PSMC1: variants seen among roughly 807,000 people sequenced by gnomAD.
The protein encoded by PSMC1 is 26S proteasome regulatory subunit 4.
Under a neutral mutation model 49.8 loss-of-function variants are expected in PSMC1, and 5 were observed. The ratio of observed to expected loss-of-function variants is 0.10; its 90% confidence interval spans 0.05 to 0.21. The LOEUF (loss-of-function observed/expected upper bound fraction) is 0.21, where lower values mean the gene tolerates loss of function less well. Ranked by LOEUF, PSMC1 falls within the 10% of genes least tolerant of loss-of-function variation. The pLI, the probability that PSMC1 is intolerant of heterozygous loss-of-function variation, is 1.00. For synonymous variants in PSMC1, 155 were observed against 192.1 expected (o/e 0.81, Z 1.60); for missense variants, 181 against 535.7 (o/e 0.34, Z 6.54).
chr14:90,260,042 G>A, intron 2 of PSMC1, 73 bp from the exon 3 acceptor site: 1 of 885,926 alleles, frequency 1.1e-6, no homozygotes, highest in South Asian at 1.7e-5. Context: ...AGATGATGGT[G>A]GTACAGAAAT....
intron 1 of PSMC1, among the ~76,000 whole-genome samples, chr14:90,257,527 A>T (rs1891317967): frequency 6.6e-6 from 1 of 152,226 alleles, no homozygotes; most frequent in Admixed American, 6.5e-5. Flanking sequence ...CAGCAAGTGC[A>T]AAGGACCTGA....
chr14:90,262,632 A>G (rs1891422316), intron 3 of PSMC1, among the ~76,000 whole-genome samples: 1 of 152,052 alleles, frequency 6.6e-6, no homozygotes, highest in Non-Finnish European at 1.5e-5. Flanking sequence ...AAAATCCAAA[A>G]AGTTAGCTGG....
At chr14:90,262,940 A>G (rs749571917) in intron 3 of PSMC1, among the ~76,000 whole-genome samples, 1 of 152,254 alleles carries the variant, frequency 6.6e-6, no homozygotes, top group Non-Finnish European at 1.5e-5. Context: ...GTATGTATAT[A>G]GCCAGCATAC....
chr14:90,270,118 G>A (rs990070945), intron 9 of PSMC1, 80 bp from the exon 10 acceptor site: 5 of 1,468,536 alleles, frequency 3.4e-6, no homozygotes, highest in Middle Eastern at 1.8e-4. Flanking sequence ...CGTATGTAAG[G>A]AGATGGGCTG....
chr14:90,271,203 T>G (rs1197230065), intron 10 of PSMC1: 3 of 152,200 alleles, frequency 2.0e-5, no homozygotes, highest in Non-Finnish European at 4.4e-5. Flanking sequence ...CCCGAACCAT[T>G]TGAAGTAAAT....
intron 10 of PSMC1, chr14:90,270,626 G>T: frequency 3.2e-6 from 1 of 310,832 alleles, no homozygotes; most frequent in Non-Finnish European, 5.9e-6. Context: ...CTTTCTCAAG[G>T]TGTGTCAAAT....
chr14:90,268,498 T>C lies in PSMC1; in HGVS notation c.881+85T>C, dbSNP rs1021362234. ...TTGAGAATGAGCAATCTCAGGGGGC[T>C]CTCCCTATGGCCACAGTTCTTGCTG... On this transcript the variant is annotated intron_variant, in intron 8 of 10. Coordinates refer to ENST00000261303, the MANE Select transcript of PSMC1 (RefSeq NM_002802.3). 2.5e-4 allele frequency: 327 copies of C among 1,334,156 alleles called. 1 individual carries two copies. The highest frequency in any genetic ancestry group is 3.5e-4 in the South Asian group (27 of 76,498). 82.6% of individuals were successfully genotyped at this position (1,334,156 alleles called of 1,614,324 possible).
intron 6 of PSMC1, 92 bp from the exon 7 acceptor site, chr14:90,264,978 A>AT (rs1381670188): frequency 2.1e-6 from 2 of 937,556 alleles, no homozygotes; most frequent in South Asian, 2.8e-5. Context: ...ATTTTTACTT[A>AT]TTTTTGTTGA....
chr14:90,272,423 A>G lies in PSMC1; in HGVS notation c.*16A>G, dbSNP rs1891694043. ...GTATCTCTAATGAACCATGGCTGTC[A>G]TCAGGAAAATGGTTGGGAGATTTCT... On this transcript the variant is annotated 3_prime_UTR_variant, in exon 11 of 11. Transcript: ENST00000261303. This position sits in a 1 kb window ranked among gnomAD's most constrained non-coding sequence, Gnocchi z 4.5. 13 of 1,529,294 alleles carry G rather than the reference A, an allele frequency of 8.5e-6. No homozygotes were observed. The highest frequency in any genetic ancestry group is 4.3e-5 in the Admixed American group (2 of 46,324). 94.7% of individuals were successfully genotyped at this position (1,529,294 alleles called of 1,614,324 possible). A position where few individuals can be genotyped will look rare whatever the true frequency, so the allele number is the denominator to read the frequency against.
At chr14:90,258,716 G>A (rs1270925784) in intron 1 of PSMC1, among the ~76,000 whole-genome samples, 6 of 152,252 alleles carry the variant, frequency 3.9e-5, no homozygotes, top group African/African-American at 1.4e-4. Flanking sequence ...AGGGGTAAAT[G>A]ATTGGTAAAC....
intron 8 of PSMC1, chr14:90,268,798 A>T (rs985067269): frequency 1.1e-5 from 2 of 175,084 alleles, no homozygotes; most frequent in Non-Finnish European, 1.2e-5. Flanking sequence ...AAAAAATATG[A>T]TCTGTAACTT....
chr14:90,263,535 C>T (rs1891443017), intron 4 of PSMC1, 93 bp downstream of exon 4: 2 of 1,462,526 alleles, frequency 1.4e-6, no homozygotes, highest in African/African-American at 2.8e-5. Context: ...CTGAACCTGT[C>T]CAGGCTTTCA....
intron 7 of PSMC1, among the ~76,000 whole-genome samples, chr14:90,267,087 A>T (rs940724731): frequency 1.3e-5 from 2 of 151,718 alleles, no homozygotes. Context: ...TTCCAATTCA[A>T]AAATTCTCAA....
rs1229636086 is a variant in PSMC1, at chr14:90,273,076, CCT to C, written c.*670_*671del. On this transcript the variant is annotated 3_prime_UTR_variant, in exon 11 of 11. Coordinates refer to ENST00000261303, the MANE Select transcript of PSMC1 (RefSeq NM_002802.3). ...AGAAACATGTCAGAACTTCCCCTTC[CCT>C]TTCTCCGTCTATTTCCGTCATTTCT... 6.6e-6 allele frequency: 1 copy of C among 152,220 alleles called. No individual in the cohort carries two copies. Among genetic ancestry groups the C allele is most frequent in the Non-Finnish European group, 1.5e-5 (1 of 68,072 alleles). 9.4% of individuals were successfully genotyped at this position (152,220 alleles called of 1,614,324 possible). A position where few individuals can be genotyped will look rare whatever the true frequency, so the allele number is the denominator to read the frequency against.
chr14:90,259,530 T>G (rs1891355893), intron 2 of PSMC1, among the ~76,000 whole-genome samples: 1 of 152,212 alleles, frequency 6.6e-6, no homozygotes, highest in African/African-American at 2.4e-5. Flanking sequence ...TTACCTAAAC[T>G]TTTGGCATAT....
chr14:90,265,021 A>C, intron 6 of PSMC1, 49 bp from the exon 7 acceptor site: 1 of 1,355,100 alleles, frequency 7.4e-7, no homozygotes, highest in Non-Finnish European at 1.0e-6. Context: ...CAATTAGTAA[A>C]TATGCTAATA....
At chr14:90,263,546 T>A (rs887332979) in intron 4 of PSMC1, 104 bp downstream of exon 4, 1 of 1,453,632 alleles carries the variant, frequency 6.9e-7, no homozygotes, top group East Asian at 2.3e-5. Context: ...CAGGCTTTCA[T>A]GAGTATTATT....
chr14:90,270,898 G>A (rs2139652512), intron 10 of PSMC1: 1 of 152,406 alleles, frequency 6.6e-6, no homozygotes, highest in African/African-American at 2.4e-5. Flanking sequence ...GGTTTTCGTT[G>A]GGCATAAATG....
At chr14:90,260,671 G>T (rs1428775823) in intron 3 of PSMC1, among the ~76,000 whole-genome samples, 1 of 152,166 alleles carries the variant, frequency 6.6e-6, no homozygotes, top group African/African-American at 2.4e-5. Context: ...GGCGGAGCTT[G>T]CAGTGAGCTG....
Sources: allele counts gnomAD v4.1 joint callset (sites outside exome capture counted in the v4.1 genomes callset), GRCh38; gene constraint gnomAD v4.1.1; non-coding constraint Gnocchi (gnomAD v3.1); transcripts MANE v1.5; gene names NCBI Gene and HGNC (gene_info 2026-07-23, HGNC 2026-07-21).